Variants in UNC5D observed in about 807,000 individuals in gnomAD.
The protein encoded by UNC5D is unc-5 netrin receptor D, also known as netrin receptor UNC5D.
Under a neutral mutation model 105.4 loss-of-function variants are expected in UNC5D, and 39 were observed. The observed-to-expected ratio is 0.37, with a 90% confidence interval of 0.29 to 0.48. The LOEUF is 0.48. Among genes scored for constraint, UNC5D ranks in the 20% least tolerant of loss-of-function variants. The probability of loss-of-function intolerance (pLI) is 0.98; values close to 1 mark genes in which losing one functional copy is unlikely to be tolerated. For synonymous variants in UNC5D, 452 were observed against 450.4 expected, an observed-to-expected ratio of 1.00 and a Z score of -0.04; for missense variants, 991 against 1,202.4, an observed-to-expected ratio of 0.82 and a Z score of 2.60.
chr8:35,511,132 G>A (rs1812672886), intron 1 of UNC5D, among the ~76,000 whole-genome samples: 1 of 152,148 alleles, frequency 6.6e-6, no homozygotes, highest in Non-Finnish European at 1.5e-5. Flanking sequence ...ATCTATGTAA[G>A]AGCAGTTCTT....
In UNC5D at chr8:35,620,049, G is replaced by C. The variant is rs528183945; in HGVS notation, c.570+24392G>C. Among the ~76,000 whole-genome samples the C allele has an allele frequency of 3.0e-4, 46 of 152,232 alleles. No homozygotes were observed. In the South Asian group the frequency reaches 8.3e-3, roughly 27 times the overall value. ...GGTGTCCTTGCCCTTCCCTCATTCA[G>C]AATAAAAGTAGCAACAAAAGAGGGG... On this transcript the variant is annotated intron_variant, in intron 4 of 16. Coordinates refer to ENST00000404895, the MANE Select transcript of UNC5D (RefSeq NM_080872.4).
intron 1 of UNC5D, among the ~76,000 whole-genome samples, chr8:35,527,348 C>A (rs1290737994): frequency 6.6e-6 from 1 of 152,120 alleles, no homozygotes; most frequent in African/African-American, 2.4e-5. Context: ...ACCACTATAA[C>A]AAAAATTCTG....
At chr8:35,446,530 A>G (rs1807806287) in intron 1 of UNC5D, among the ~76,000 whole-genome samples, 1 of 152,094 alleles carries the variant, frequency 6.6e-6, no homozygotes, top group Non-Finnish European at 1.5e-5. Flanking sequence ...TAACTAATTC[A>G]TTCCTTGTCA....
At chr8:35,528,576 T>C (rs1420110448) in intron 1 of UNC5D, among the ~76,000 whole-genome samples, 55 of 146,748 alleles carry the variant, frequency 3.7e-4, no homozygotes, top group African/African-American at 1.3e-3. Flanking sequence ...ATGGGATGGC[T>C]GGGTCAAATG....
chr8:35,565,016 C>T (rs1278590092), intron 2 of UNC5D, among the ~76,000 whole-genome samples: 1 of 152,106 alleles, frequency 6.6e-6, no homozygotes, highest in Non-Finnish European at 1.5e-5. Flanking sequence ...GCTTGATTCC[C>T]TATCTTTGCA....
At chr8:35,409,518 A>T (rs1361555815) in intron 1 of UNC5D, among the ~76,000 whole-genome samples, 1 of 151,866 alleles carries the variant, frequency 6.6e-6, no homozygotes, top group Non-Finnish European at 1.5e-5. Context: ...GATTTTTAAT[A>T]TGCTTATTTG....
At chr8:35,681,220 C>G (rs960068909) in intron 4 of UNC5D, among the ~76,000 whole-genome samples, 5 of 152,064 alleles carry the variant, frequency 3.3e-5, no homozygotes, top group African/African-American at 1.2e-4. Context: ...TCTTGTTGCT[C>G]ATAACAAAAT....
intron 11 of UNC5D, 81 bp from the exon 12 acceptor site, chr8:35,748,446 C>A: frequency 1.4e-6 from 2 of 1,440,762 alleles, no homozygotes; most frequent in Non-Finnish European, 9.3e-7. Context: ...AAGAAAACCC[C>A]AGTCTGTTAA....
At chr8:35,486,764 T>G (rs1185512510) in intron 1 of UNC5D, among the ~76,000 whole-genome samples, 1 of 152,210 alleles carries the variant, frequency 6.6e-6, no homozygotes, top group Non-Finnish European at 1.5e-5. Flanking sequence ...TGTCACACAT[T>G]TCTATTTTCA....
chr8:35,687,255 A>T (rs1826071202), intron 7 of UNC5D, among the ~76,000 whole-genome samples: 1 of 152,108 alleles, frequency 6.6e-6, no homozygotes, highest in Non-Finnish European at 1.5e-5. Flanking sequence ...CATCCTGGCT[A>T]ACAAGGTGAA....
rs557810967 is a variant in UNC5D at position 35,244,209 on chromosome 8, G to A, written c.103+8322G>A. On this transcript the variant is annotated intron_variant, in intron 1 of 16. Coordinates refer to ENST00000404895, the MANE Select transcript of UNC5D (RefSeq NM_080872.4). ...TGACTTTAGAGATTTTTTGACCAAA[G>A]TCGAACAAACCTAAACAGGTAGTGA... Among the ~76,000 whole-genome samples the A allele has an allele frequency of 5.9e-5, 9 of 152,276 alleles. No individual in the cohort carries two copies. In the East Asian group the frequency reaches 1.7e-3, roughly 29 times the overall value.
Position 35,526,220 on chromosome 8 carries a change from G to A in UNC5D, c.104-23072G>A, listed in dbSNP as rs189752996. Among the ~76,000 whole-genome samples the A allele has an allele frequency of 5.3e-5, 8 of 152,288 alleles. No homozygotes were observed. In the East Asian group the frequency reaches 1.4e-3, roughly 26 times the overall value. On this transcript the variant is annotated intron_variant, in intron 1 of 16. Coordinates refer to ENST00000404895, the MANE Select transcript of UNC5D (RefSeq NM_080872.4). ...AAACTAGTAATCTGCATTTGCGACA[G>A]GCCCAGACATTCCACCAAACCCAGG...
At chr8:35,718,890 G>T (rs1828410305) in intron 8 of UNC5D, among the ~76,000 whole-genome samples, 1 of 152,110 alleles carries the variant, frequency 6.6e-6, no homozygotes, top group Admixed American at 6.6e-5. Flanking sequence ...TGTCCATCTA[G>T]CAGAGATATC....
At chr8:35,680,065 CTTTCA>C (rs1459943250) in intron 4 of UNC5D, among the ~76,000 whole-genome samples, 8 of 152,172 alleles carry the variant, frequency 5.3e-5, no homozygotes, top group Non-Finnish European at 1.0e-4. Flanking sequence ...TTAATCCATT[CTTTCA>C]TTCATTCATG....
intron 1 of UNC5D, among the ~76,000 whole-genome samples, chr8:35,325,021 C>G (rs1368682474): frequency 6.6e-6 from 1 of 152,136 alleles, no homozygotes; most frequent in African/African-American, 2.4e-5. Flanking sequence ...TAGAAGCAAC[C>G]TTGTAAAGAC....
intron 4 of UNC5D, among the ~76,000 whole-genome samples, chr8:35,672,425 A>C (rs1824871429): frequency 6.6e-6 from 1 of 152,194 alleles, no homozygotes; most frequent in South Asian, 2.1e-4. Context: ...ATCCTTTAAG[A>C]TGAAAGGGCA....
Position 35,238,038 on chromosome 8 carries a change from G to A in UNC5D, c.103+2151G>A, listed in dbSNP as rs180981944. 2.9e-3 allele frequency among the ~76,000 whole-genome samples: 440 copies of A among 152,274 alleles called. 2 individuals carry two copies. Among genetic ancestry groups the A allele is most frequent in the African/African-American group, 0.01 (426 of 41,554 alleles). On this transcript the variant is annotated intron_variant, in intron 1 of 16. Transcript: ENST00000404895. Reference sequence around the variant, plus strand: ...CCATACTCTCTAGGATTAGCCCTAGGTTGTTCTTACTTATCCAATTAATAG... The same window carrying A: ...CCATACTCTCTAGGATTAGCCCTAGATTGTTCTTACTTATCCAATTAATAG...
chr8:35,562,427 C>T lies in UNC5D; in HGVS notation c.323-5671C>T, dbSNP rs550362956. 1.1e-4 allele frequency among the ~76,000 whole-genome samples: 17 copies of T among 152,090 alleles called. No homozygotes were observed. In the South Asian group the frequency reaches 3.3e-3, roughly 30 times the overall value. On this transcript the variant is annotated intron_variant, in intron 2 of 16. Transcript: ENST00000404895. ...ACCTTTATACTGTCTTCTATAGTGA[C>T]TATATTAATTTACATCCCCAAAAAT...
chr8:35,555,438 A>T (rs1816471918), intron 2 of UNC5D, among the ~76,000 whole-genome samples: 1 of 152,214 alleles, frequency 6.6e-6, no homozygotes, highest in Admixed American at 6.5e-5. Context: ...ATATAATTTA[A>T]TAATGTCTGA....
Sources: gnomAD v4.1 joint callset for allele counts (sites outside exome capture counted in the v4.1 genomes callset) on GRCh38, gnomAD v4.1.1 for gene constraint, MANE v1.5 for transcripts, NCBI Gene and HGNC (gene_info 2026-07-23, HGNC 2026-07-21) for gene names.